RAB5B: variants seen among roughly 807,000 people sequenced by gnomAD.
The protein encoded by RAB5B is RAB5B, member RAS oncogene family.
A neutral mutation model predicts 28.6 loss-of-function variants in RAB5B; 11 were observed. That is an observed-to-expected ratio of 0.38 (90% CI 0.24 to 0.64). The LOEUF (loss-of-function observed/expected upper bound fraction) is 0.64, where lower values mean the gene tolerates loss of function less well. RAB5B is among the 30% of genes least tolerant of loss of function. RAB5B has a pLI of 0.53. For missense variants in RAB5B, 169 were observed against 265.6 expected, an observed-to-expected ratio of 0.64 and a Z score of 2.53; for synonymous variants, 93 against 97.9, an observed-to-expected ratio of 0.95 and a Z score of 0.29.
chr12:55,980,592 A>G, intron 1 of RAB5B: 1 of 1,598,766 alleles, frequency 6.3e-7, no homozygotes, highest in Non-Finnish European at 8.6e-7. Flanking sequence ...CTAGTTTCGA[A>G]AAATCGGATT....
chr12:55,981,142 C>T, intron 1 of RAB5B: 1 of 899,596 alleles, frequency 1.1e-6, no homozygotes, highest in Non-Finnish European at 1.7e-6. Flanking sequence ...CGGCTCACTG[C>T]TACCTCTGCC....
chr12:55,978,398 G>A (rs759392989), intron 1 of RAB5B, among the ~76,000 whole-genome samples: 4 of 152,094 alleles, frequency 2.6e-5, no homozygotes, highest in Non-Finnish European at 5.9e-5. Flanking sequence ...CAGCTTCTCG[G>A]GAGGCTGAAG....
At position 55,992,369 on chromosome 12, in the gene RAB5B, G is replaced by A. The variant is rs758982301; in HGVS notation, c.*157G>A. ...CAGCTCCGTCATGGCACTTTTTAAC[G>A]CTTCAGCAACAAACACCAGGCAGCT... On this transcript the variant is annotated 3_prime_UTR_variant, in exon 6 of 6. Coordinates refer to ENST00000360299, the MANE Select transcript of RAB5B (RefSeq NM_002868.4). 46 of 711,434 alleles carry A rather than the reference G, an allele frequency of 6.5e-5. No homozygotes were observed. The highest frequency in any genetic ancestry group is 6.2e-4 in the African/African-American group (35 of 56,238). The allele number at this position is 711,434 out of a possible 1,614,324, so 44.1% of individuals were successfully genotyped here. A position where few individuals can be genotyped will look rare whatever the true frequency, so the allele number is the denominator to read the frequency against.
Position 55,987,005 on chromosome 12 carries a change from C to T in RAB5B, c.45C>T (p.Ala15=). 1 of 1,613,336 alleles carries T rather than the reference C, an allele frequency of 6.2e-7. No homozygotes were observed. The highest frequency in any genetic ancestry group is 8.5e-7 in the Non-Finnish European group (1 of 1,179,848). The part of the protein sequence containing the change: ...STARPNGQPQ[A]SKICQFKLVL... The stretch of plus-strand genomic sequence containing the variant: ...CTAGGCCCAATGGGCAACCCCAGGC[C>T]AGCAAAATTTGCCAGTTCAAATTGG... Residue 15 remains alanine, a synonymous_variant, in exon 2 of 6, where the codon GCC becomes GCT. Coordinates refer to ENST00000360299, the MANE Select transcript of RAB5B (RefSeq NM_002868.4).
Position 55,990,002 on chromosome 12 carries a change from C to G in RAB5B, c.219C>G (p.Ile73Met), listed in dbSNP as rs1466320774. Residue 73 changes from isoleucine to methionine, a missense_variant, in exon 3 of 6, where the codon ATC (isoleucine) becomes ATG (methionine). Ile to Met is a conservative substitution (Grantham distance 10). Around this residue, in one of 3 missense-constraint regions of RAB5B, gnomAD observed 43 missense variants for 85.8 expected, o/e 0.50. Coordinates refer to ENST00000360299, the MANE Select transcript of RAB5B (RefSeq NM_002868.4). ...CLDDTTVKFEIWDTAGQERYH... is the reference protein window; with the variant it reads ...CLDDTTVKFEMWDTAGQERYH... ...ATGACACAACAGTGAAGTTTGAGAT[C>G]TGGGACACAGCTGGGCAGGAGCGAT... 2.5e-6 allele frequency: 4 copies of G among 1,613,828 alleles called. No individual in the cohort carries two copies. Among genetic ancestry groups the G allele is most frequent in the East Asian group, 2.2e-5 (1 of 44,894 alleles).
At position 55,992,308 on chromosome 12, in the gene RAB5B, C is replaced by A. The variant is rs1407437488; in HGVS notation, c.*96C>A. ...CAGCACACAACCCCTACGGTAACAG[C>A]ACACTGAGCCCTGGCTCCCAAGGGC... On this transcript the variant is annotated 3_prime_UTR_variant, in exon 6 of 6. Coordinates refer to ENST00000360299, the MANE Select transcript of RAB5B (RefSeq NM_002868.4). The A allele has an allele frequency of 2.8e-6, 3 of 1,074,612 alleles. No homozygotes were observed. The highest frequency in any genetic ancestry group is 5.0e-5 in the East Asian group (2 of 40,152). 66.6% of individuals were successfully genotyped at this position (1,074,612 alleles called of 1,614,324 possible). A position where few individuals can be genotyped will look rare whatever the true frequency, so the allele number is the denominator to read the frequency against.
rs1890258294 is a variant in RAB5B, at chr12:55,995,418, A to G, written c.*3206A>G. 6.6e-6 allele frequency: 1 copy of G among 152,146 alleles called. No homozygotes were observed. Among genetic ancestry groups the G allele is most frequent in the Non-Finnish European group, 1.5e-5 (1 of 68,030 alleles). 9.4% of individuals were successfully genotyped at this position (152,146 alleles called of 1,614,324 possible). ...GTGCATATTTCTAGGATCCATTTCTATATGTTTCTCAAAGGGGTCCATGAC... is the reference window on the plus strand; with the variant it reads ...GTGCATATTTCTAGGATCCATTTCTGTATGTTTCTCAAAGGGGTCCATGAC... On this transcript the variant is annotated 3_prime_UTR_variant, in exon 6 of 6. Transcript: ENST00000360299.
chr12:55,978,316 G>A (rs1261608027), intron 1 of RAB5B, among the ~76,000 whole-genome samples: 4 of 152,112 alleles, frequency 2.6e-5, no homozygotes, highest in African/African-American at 4.8e-5. Context: ...TGGCTAACAC[G>A]GTGAAACCCC....
At chr12:55,978,498 C>A (rs557863325) in intron 1 of RAB5B, among the ~76,000 whole-genome samples, 2 of 150,644 alleles carry the variant, frequency 1.3e-5, no homozygotes, top group East Asian at 3.9e-4. Context: ...AGCAAGACTC[C>A]GTCTCAGGAA....
chr12:55,988,090 A>C (rs769652516), intron 2 of RAB5B, among the ~76,000 whole-genome samples: 5 of 152,308 alleles, frequency 3.3e-5, no homozygotes, highest in Non-Finnish European at 7.4e-5. Context: ...TGGAGGTTGC[A>C]GTGAGCCAAG....
At chr12:55,981,142 C>G in intron 1 of RAB5B, 1 of 899,596 alleles carries the variant, frequency 1.1e-6, no homozygotes, top group East Asian at 2.6e-5. Flanking sequence ...CGGCTCACTG[C>G]TACCTCTGCC....
At chr12:55,984,856 A>G (rs1889911032) in intron 1 of RAB5B, among the ~76,000 whole-genome samples, 1 of 152,244 alleles carries the variant, frequency 6.6e-6, no homozygotes, top group African/African-American at 2.4e-5. Context: ...TGCTAAACAC[A>G]TCTTTCACTT....
intron 1 of RAB5B, chr12:55,980,671 G>T: frequency 1.3e-6 from 2 of 1,592,880 alleles, no homozygotes; most frequent in Non-Finnish European, 8.6e-7. Context: ...TGTCACATTT[G>T]TTCCCTAGCA....
rs1027789552 is a variant in RAB5B at position 55,980,434 on chromosome 12, G to A, written c.-93+6295G>A. 5.7e-6 allele frequency: 9 copies of A among 1,585,708 alleles called. No individual in the cohort carries two copies. In the Admixed American group the frequency reaches 6.7e-5, roughly 12 times the overall value. On this transcript the variant is annotated intron_variant, in intron 1 of 5. Transcript: ENST00000360299. ...CAAGAAAGGGTCCTCAGCTCAGGGAGCACTTGTTGGTGTTCTTTATGTCAC... is the reference window on the plus strand; with the variant it reads ...CAAGAAAGGGTCCTCAGCTCAGGGAACACTTGTTGGTGTTCTTTATGTCAC...
At chr12:55,991,275 C>A in intron 4 of RAB5B, 85 bp from the exon 5 acceptor site, 2 of 1,024,582 alleles carry the variant, frequency 2.0e-6, no homozygotes, top group Non-Finnish European at 3.0e-6. Flanking sequence ...AGGATTTTGC[C>A]TAGCTGTTGT....
chr12:55,978,354 T>G (rs1039862787), intron 1 of RAB5B, among the ~76,000 whole-genome samples: 2 of 151,628 alleles, frequency 1.3e-5, no homozygotes, highest in African/African-American at 2.4e-5. Context: ...TACAAAAAAT[T>G]AGCTGGGCGT....
At chr12:55,978,774 CTT>C (rs35830890) in intron 1 of RAB5B, among the ~76,000 whole-genome samples, 188 of 136,490 alleles carry the variant, frequency 1.4e-3, no homozygotes, top group African/African-American at 2.4e-3. Context: ...GAAATACAGT[CTT>C]TTTTTTTTTT....
At position 55,994,858 on chromosome 12, in the gene RAB5B, T is replaced by C. The variant is rs1890242038; in HGVS notation, c.*2646T>C. The C allele has an allele frequency of 6.6e-6, 1 of 152,172 alleles. No homozygotes were observed. 9.4% of individuals were successfully genotyped at this position (152,172 alleles called of 1,614,324 possible). Reference sequence around the variant, plus strand: ...TTCCCTGCATCTTGATACATCTTTATTCCCTTTAATCTTTTCTTAAACATC... The same window carrying C: ...TTCCCTGCATCTTGATACATCTTTACTCCCTTTAATCTTTTCTTAAACATC... On this transcript the variant is annotated 3_prime_UTR_variant, in exon 6 of 6. Coordinates refer to ENST00000360299, the MANE Select transcript of RAB5B (RefSeq NM_002868.4).
Position 55,990,820 on chromosome 12 carries a change from G to T in RAB5B, c.438+16G>T. ...GGAGTATGAAGTAAGGTGGCCCGTG[G>T]AGTTCCTCTCTAACACTTCCTCTGT... On this transcript the variant is annotated intron_variant, in intron 4 of 5. Coordinates refer to ENST00000360299, the MANE Select transcript of RAB5B (RefSeq NM_002868.4). 2.5e-6 allele frequency: 4 copies of T among 1,612,924 alleles called. No individual in the cohort carries two copies. The highest frequency in any genetic ancestry group is 2.5e-6 in the Non-Finnish European group (3 of 1,179,262).
Sources: allele counts gnomAD v4.1 joint callset (sites outside exome capture counted in the v4.1 genomes callset), GRCh38; gene constraint gnomAD v4.1.1; regional missense constraint gnomAD v4.1.1; transcripts MANE v1.5; gene names NCBI Gene and HGNC (gene_info 2026-07-23, HGNC 2026-07-21).